The following NCALD variants were observed in gnomAD, a reference collection of about 807,000 sequenced individuals.
The protein encoded by NCALD is neurocalcin delta.
In NCALD, 10 loss-of-function variants were observed where a neutral mutation model predicts 18.6. That is an observed-to-expected ratio of 0.54 (90% CI 0.33 to 0.91). NCALD has a LOEUF of 0.91. Ranked by LOEUF, NCALD falls within the 40% of genes least tolerant of loss-of-function variation. NCALD has a pLI of 0.03. For missense variants in NCALD, 184 were observed against 247.6 expected (o/e 0.74, Z 1.72); for synonymous variants, 88 against 87.4 (o/e 1.01, Z -0.04).
chr8:101,855,244 T>A (rs911265574), intron 4 of NCALD, among the ~76,000 whole-genome samples: 1 of 152,136 alleles, frequency 6.6e-6, no homozygotes, highest in Non-Finnish European at 1.5e-5. Context: ...CCCATCCCCT[T>A]GCTATTGGAT....
At chr8:101,692,431 T>G in intron 3 of NCALD, 2 of 985,416 alleles carry the variant, frequency 2.0e-6, no homozygotes, top group Middle Eastern at 1.0e-3. Context: ...TCTCCCCATT[T>G]TGATGAACTG....
intron 2 of NCALD, among the ~76,000 whole-genome samples, chr8:102,003,908 G>C (rs1266582810): frequency 2.7e-4 from 41 of 151,928 alleles, no homozygotes; most frequent in African/African-American, 8.5e-4. Flanking sequence ...TATGACAAAC[G>C]CACAGCCAAT....
At chr8:101,690,893 C>A in intron 3 of NCALD, 1 of 985,354 alleles carries the variant, frequency 1.0e-6, no homozygotes, top group Non-Finnish European at 1.2e-6. Context: ...CTGGGAGGCA[C>A]CAGCTGGAGG....
At chr8:101,801,979 T>G (rs1279782318) in intron 4 of NCALD, among the ~76,000 whole-genome samples, 1 of 152,152 alleles carries the variant, frequency 6.6e-6, no homozygotes, top group African/African-American at 2.4e-5. Context: ...ATACTTCCTC[T>G]TATTGTGCTT....
intron 4 of NCALD, among the ~76,000 whole-genome samples, chr8:101,874,052 CT>C (rs1186581597): frequency 6.6e-6 from 1 of 152,194 alleles, no homozygotes; most frequent in Non-Finnish European, 1.5e-5. Context: ...CCTTCTAAAT[CT>C]TTCTACATTT....
At chr8:102,080,433 T>C (rs1824489383) in intron 1 of NCALD, among the ~76,000 whole-genome samples, 1 of 152,198 alleles carries the variant, frequency 6.6e-6, no homozygotes, top group African/African-American at 2.4e-5. Context: ...GCCAAGTATT[T>C]TACTGCAGAT....
chr8:101,912,195 A>G (rs1263903723), intron 3 of NCALD, among the ~76,000 whole-genome samples: 2 of 152,198 alleles, frequency 1.3e-5, no homozygotes, highest in East Asian at 3.8e-4. Flanking sequence ...ATATAAAAAA[A>G]CTAAACAGTA....
intron 2 of NCALD, among the ~76,000 whole-genome samples, chr8:101,917,665 A>G (rs1818018022): frequency 6.6e-6 from 1 of 152,150 alleles, no homozygotes; most frequent in Admixed American, 6.5e-5. Flanking sequence ...CCACAGAAAT[A>G]CAAAAGATCC....
chr8:102,099,223 T>C (rs1384662205), intron 1 of NCALD, among the ~76,000 whole-genome samples: 4 of 152,208 alleles, frequency 2.6e-5, no homozygotes, highest in Non-Finnish European at 5.9e-5. Flanking sequence ...AAAACAGTCC[T>C]GAGTAGTAAA....
chr8:101,989,919 T>C (rs1364040826), intron 2 of NCALD, among the ~76,000 whole-genome samples: 1 of 152,222 alleles, frequency 6.6e-6, no homozygotes, highest in Non-Finnish European at 1.5e-5. Context: ...TCTCTGACAA[T>C]TGGGTTTAGG....
intron 1 of NCALD, among the ~76,000 whole-genome samples, chr8:102,098,484 G>C (rs944831186): frequency 2.6e-4 from 24 of 93,416 alleles, no homozygotes; most frequent in Admixed American, 2.5e-3. Context: ...TGCTGGCCCT[G>C]GGGGGCTGCA....
intron 1 of NCALD, among the ~76,000 whole-genome samples, chr8:101,740,987 T>C (rs550455020): frequency 6.6e-6 from 1 of 152,386 alleles, no homozygotes; most frequent in African/African-American, 2.4e-5. Flanking sequence ...AACAACTCTG[T>C]AGAATCAGTG....
chr8:101,872,311 G>A, intron 4 of NCALD: 26 of 1,370,950 alleles, frequency 1.9e-5, no homozygotes, highest in Non-Finnish European at 2.7e-5. Flanking sequence ...TTTCCCCTCA[G>A]CGAGTCTCTG....
At chr8:101,913,380 C>A (rs1219337579) in intron 3 of NCALD, among the ~76,000 whole-genome samples, 2 of 152,162 alleles carry the variant, frequency 1.3e-5, no homozygotes, top group African/African-American at 2.4e-5. Context: ...ATGTGTATAC[C>A]TTTATCCAAT....
intron 3 of NCALD, among the ~76,000 whole-genome samples, chr8:101,901,759 C>T (rs1054254116): frequency 2.0e-5 from 3 of 151,700 alleles, no homozygotes; most frequent in Admixed American, 6.6e-5. Context: ...CTTTATTGTA[C>T]TTACCCCATT....
At chr8:102,005,009 CA>C (rs770467667) in intron 2 of NCALD, among the ~76,000 whole-genome samples, 94 of 152,286 alleles carry the variant, frequency 6.2e-4, no homozygotes, top group Non-Finnish European at 1.0e-3. Context: ...GCAATGGCAG[CA>C]AAAGCCAAAA....
At chr8:101,711,919 A>C (rs936295764) in intron 2 of NCALD, among the ~76,000 whole-genome samples, 4 of 152,134 alleles carry the variant, frequency 2.6e-5, no homozygotes, top group African/African-American at 9.7e-5. Flanking sequence ...AAATACAGAG[A>C]ACACCACAAA....
At chr8:101,706,167 T>C (rs1815510674) in intron 2 of NCALD, among the ~76,000 whole-genome samples, 1 of 152,126 alleles carries the variant, frequency 6.6e-6, no homozygotes, top group South Asian at 2.1e-4. Flanking sequence ...AATGAGACAG[T>C]GGCAGAAGGA....
At chr8:102,049,392 G>GA (rs551754428) in intron 1 of NCALD, among the ~76,000 whole-genome samples, 1 of 152,092 alleles carries the variant, frequency 6.6e-6, no homozygotes, top group Admixed American at 6.5e-5. Flanking sequence ...TTTTATCGCT[G>GA]AAAAAATATT....
Sources: gnomAD v4.1 joint callset for allele counts (sites outside exome capture counted in the v4.1 genomes callset) on GRCh38, gnomAD v4.1.1 for gene constraint, MANE v1.5 for transcripts, NCBI Gene and HGNC (gene_info 2026-07-23, HGNC 2026-07-21) for gene names.